Variants in LHFPL2 observed in about 807,000 individuals in gnomAD.
LHFPL2 encodes the protein LHFPL tetraspan subfamily member 2, also known as LHFPL tetraspan subfamily member 2 protein.
In LHFPL2, 7 loss-of-function variants were observed where a neutral mutation model predicts 17.5. That is an observed-to-expected ratio of 0.40 (90% CI 0.23 to 0.75). The LOEUF (loss-of-function observed/expected upper bound fraction) is 0.75. Among genes scored for constraint, LHFPL2 ranks in the 30% least tolerant of loss-of-function variants. The pLI, the probability that LHFPL2 is intolerant of heterozygous loss-of-function variation, is 0.37. For missense variants in LHFPL2, 241 were observed against 294.8 expected (o/e 0.82, Z 1.34); for synonymous variants, 134 against 116.2 (o/e 1.15, Z -0.99).
intron 3 of LHFPL2, among the ~76,000 whole-genome samples, chr5:78,536,159 G>C (rs968088220): frequency 6.6e-6 from 1 of 152,142 alleles, no homozygotes; most frequent in African/African-American, 2.4e-5. Flanking sequence ...ATGGAGAGTG[G>C]GGGGATCAGA....
At chr5:78,535,532 G>C (rs569154780) in intron 3 of LHFPL2, among the ~76,000 whole-genome samples, 2 of 152,264 alleles carry the variant, frequency 1.3e-5, no homozygotes, top group Non-Finnish European at 1.5e-5. Flanking sequence ...GAGCAGCCAG[G>C]GGACACTAAA....
At chr5:78,619,661 CCCA>C (rs1744765206) in intron 2 of LHFPL2, among the ~76,000 whole-genome samples, 1 of 114,314 alleles carries the variant, frequency 8.7e-6, no homozygotes, top group African/African-American at 3.3e-5. Context: ...CTCCCCCCAC[CCCA>C]CAACAGGCCC....
chr5:78,502,870 C>G (rs370711854), intron 4 of LHFPL2, among the ~76,000 whole-genome samples: 112 of 152,280 alleles, frequency 7.4e-4, no homozygotes, highest in African/African-American at 2.7e-3. Flanking sequence ...CACAGCCACT[C>G]TGCATTTTGA....
At chr5:78,570,353 G>A (rs1029568922) in intron 2 of LHFPL2, among the ~76,000 whole-genome samples, 9 of 152,106 alleles carry the variant, frequency 5.9e-5, no homozygotes, top group East Asian at 1.9e-4. Flanking sequence ...AGAAGAAAGC[G>A]CAGGAGGCAA....
chr5:78,611,365 A>G (rs2112486533), intron 2 of LHFPL2, among the ~76,000 whole-genome samples: 1 of 152,326 alleles, frequency 6.6e-6, no homozygotes. Context: ...GTCCATTGTC[A>G]GCTTCTGCAC....
chr5:78,592,118 G>A (rs1743647070), intron 2 of LHFPL2, among the ~76,000 whole-genome samples: 2 of 152,194 alleles, frequency 1.3e-5, no homozygotes, highest in Admixed American at 1.3e-4. Flanking sequence ...CAGTACAATA[G>A]TCCTTTAACA....
At chr5:78,641,689 AG>A (rs1745665293) in intron 1 of LHFPL2, among the ~76,000 whole-genome samples, 1 of 152,194 alleles carries the variant, frequency 6.6e-6, no homozygotes, top group Non-Finnish European at 1.5e-5. Context: ...AAATACACTG[AG>A]GTTCTCCTTT....
At chr5:78,578,040 GCC>G (rs1348052144) in intron 2 of LHFPL2, among the ~76,000 whole-genome samples, 17 of 152,138 alleles carry the variant, frequency 1.1e-4, no homozygotes, top group Non-Finnish European at 2.5e-4. Flanking sequence ...TCCTTGTCAT[GCC>G]CTCTGGGAAA....
intron 4 of LHFPL2, among the ~76,000 whole-genome samples, chr5:78,496,065 G>A (rs1036840004): frequency 6.6e-5 from 10 of 152,122 alleles, no homozygotes; most frequent in Admixed American, 1.3e-4. Flanking sequence ...GGTTATTCTC[G>A]TTGTGTTCCC....
rs115206661 is a variant in LHFPL2, at chr5:78,529,635, T to C, written c.-185-19237A>G. On this transcript the variant is annotated intron_variant, in intron 3 of 4. Coordinates refer to ENST00000380345, the MANE Select transcript of LHFPL2 (RefSeq NM_005779.3). ...TCCGGCCTGGGCGACAGAGCGAGAC[T>C]CCGTCTCAAAAAAAAAAAAGAAAAT... 6.1e-3 allele frequency among the ~76,000 whole-genome samples: 842 copies of C among 136,978 alleles called. 6 individuals carry two copies. The highest frequency in any genetic ancestry group is 0.021 in the African/African-American group (802 of 38,308). The allele number at this position is 136,978 out of a possible 152,430, so 89.9% of individuals were successfully genotyped here.
chr5:78,616,719 CCT>C (rs1417481813), intron 2 of LHFPL2, among the ~76,000 whole-genome samples: 2 of 152,142 alleles, frequency 1.3e-5, no homozygotes, highest in Non-Finnish European at 2.9e-5. Context: ...CCTTGCAACA[CCT>C]CAGTCAACAG....
intron 1 of LHFPL2, among the ~76,000 whole-genome samples, chr5:78,646,763 G>A (rs1745896587): frequency 6.6e-6 from 1 of 152,052 alleles, no homozygotes; most frequent in African/African-American, 2.4e-5. Flanking sequence ...CATGCATACG[G>A]TGAACAGCAT....
At chr5:78,571,016 T>C (rs893145068) in intron 2 of LHFPL2, among the ~76,000 whole-genome samples, 5 of 152,020 alleles carry the variant, frequency 3.3e-5, no homozygotes, top group Non-Finnish European at 7.4e-5. Flanking sequence ...GTAAGGGAGA[T>C]GTAGGGAAGG....
At chr5:78,590,798 T>A (rs1743599896) in intron 2 of LHFPL2, among the ~76,000 whole-genome samples, 2 of 152,192 alleles carry the variant, frequency 1.3e-5, no homozygotes, top group African/African-American at 4.8e-5. Flanking sequence ...CGTAAAGTCA[T>A]AATACGTCTC....
intron 4 of LHFPL2, among the ~76,000 whole-genome samples, chr5:78,493,751 GGTT>G (rs1377893385): frequency 1.3e-5 from 2 of 152,134 alleles, no homozygotes; most frequent in Non-Finnish European, 2.9e-5. Flanking sequence ...GTGAGCCCTG[GGTT>G]TTAAAAGCAA....
chr5:78,633,445 CAA>C (rs1354604771), intron 1 of LHFPL2, among the ~76,000 whole-genome samples: 1 of 152,222 alleles, frequency 6.6e-6, no homozygotes, highest in East Asian at 1.9e-4. Flanking sequence ...GTCAGAAACA[CAA>C]AGTCTCCACC....
intron 3 of LHFPL2, among the ~76,000 whole-genome samples, chr5:78,540,711 C>G (rs1012590816): frequency 6.6e-6 from 1 of 152,212 alleles, no homozygotes; most frequent in Middle Eastern, 3.2e-3. Context: ...GGAACAACTA[C>G]CAATGTCACT....
At chr5:78,572,455 TATGTGTATATAC>T (rs200771294) in intron 2 of LHFPL2, among the ~76,000 whole-genome samples, 4,772 of 150,826 alleles carry the variant, frequency 0.032, 249 homozygotes, top group African/African-American at 0.11. Flanking sequence ...TATATATATG[TATGTGTATATAC>T]ATGTGTATAT....
chr5:78,493,634 G>T (rs1054154581), intron 4 of LHFPL2, among the ~76,000 whole-genome samples: 1 of 152,140 alleles, frequency 6.6e-6, no homozygotes, highest in East Asian at 1.9e-4. Context: ...TAGTGCCCAT[G>T]GAGGAAATCA....
Sources: allele counts gnomAD v4.1 joint callset (sites outside exome capture counted in the v4.1 genomes callset), GRCh38; gene constraint gnomAD v4.1.1; transcripts MANE v1.5; gene names NCBI Gene and HGNC (gene_info 2026-07-23, HGNC 2026-07-21).